Variants in TMEFF2 observed in about 807,000 individuals in gnomAD.
The protein encoded by TMEFF2 is transmembrane protein with EGF like and two follistatin like domains 2.
TMEFF2 carries 28 observed loss-of-function variants against 53.8 expected under a neutral mutation model. That is an observed-to-expected ratio of 0.52 (90% CI 0.39 to 0.71). The LOEUF (loss-of-function observed/expected upper bound fraction) is 0.71. Ranked by LOEUF, TMEFF2 falls within the 30% of genes least tolerant of loss-of-function variation. TMEFF2 has a pLI of 0.00. For synonymous variants in TMEFF2, 162 were observed against 166.3 expected, an observed-to-expected ratio of 0.97 and a Z score of 0.20; for missense variants, 353 against 455.2, an observed-to-expected ratio of 0.78 and a Z score of 2.04.
At chr2:192,118,415 G>A (rs912561043) in intron 4 of TMEFF2, among the ~76,000 whole-genome samples, 5 of 152,098 alleles carry the variant, frequency 3.3e-5, no homozygotes, top group South Asian at 2.1e-4. Flanking sequence ...TCAAAGTTTC[G>A]ACAGAGAAAA....
intron 5 of TMEFF2, among the ~76,000 whole-genome samples, chr2:192,033,736 A>C (rs1174810653): frequency 6.6e-6 from 1 of 152,138 alleles, no homozygotes; most frequent in African/African-American, 2.4e-5. Flanking sequence ...AAATTTTGAT[A>C]TAGTGTGATT....
intron 7 of TMEFF2, among the ~76,000 whole-genome samples, chr2:191,956,691 T>G (rs757586520): frequency 5.3e-5 from 8 of 152,228 alleles, no homozygotes; most frequent in Non-Finnish European, 1.0e-4. Context: ...ACATTGATCA[T>G]GAAATACTCC....
intron 7 of TMEFF2, among the ~76,000 whole-genome samples, chr2:191,968,964 G>A (rs2105801518): frequency 6.6e-6 from 1 of 152,198 alleles, no homozygotes; most frequent in Non-Finnish European, 1.5e-5. Flanking sequence ...CCACCCAGAA[G>A]GCTAAGGTGG....
At chr2:192,091,582 C>T (rs1688791104) in intron 4 of TMEFF2, among the ~76,000 whole-genome samples, 1 of 152,086 alleles carries the variant, frequency 6.6e-6, no homozygotes, top group South Asian at 2.1e-4. Flanking sequence ...ACACAAAGAG[C>T]AAACACTCAG....
In TMEFF2 at chr2:192,138,620, G is replaced by A. The variant is rs578125765; in HGVS notation, c.439+41048C>T. ...TCTCAACCACCTGGGCATGTAACTCGACAACTCCTTCTCCTAATAGAAAGC... is the reference window on the plus strand; with the variant it reads ...TCTCAACCACCTGGGCATGTAACTCAACAACTCCTTCTCCTAATAGAAAGC... On this transcript the variant is annotated intron_variant, in intron 4 of 9. Coordinates refer to ENST00000272771, the MANE Select transcript of TMEFF2 (RefSeq NM_016192.4). Among the ~76,000 whole-genome samples the A allele has an allele frequency of 3.3e-5, 5 of 152,308 alleles. No individual in the cohort carries two copies. The South Asian group carries it at 6.2e-4, about 19-fold the overall frequency.
intron 9 of TMEFF2, among the ~76,000 whole-genome samples, chr2:191,952,526 C>G (rs114293543): frequency 6.6e-6 from 1 of 151,362 alleles, no homozygotes; most frequent in Non-Finnish European, 1.5e-5. Flanking sequence ...CCTTATGTTC[C>G]CCAGAATCTA....
intron 4 of TMEFF2, among the ~76,000 whole-genome samples, chr2:192,105,800 G>A (rs1689132864): frequency 6.6e-6 from 1 of 151,914 alleles, no homozygotes. Context: ...TCTTTATCAA[G>A]TACTTCAATA....
In TMEFF2 at chr2:192,194,723, G is replaced by A; in HGVS notation, c.-199C>T. ...CAGCAACATCCAGGGACTGGGCTCA[G>A]CCCCGGAGCGAGAGGGTCGTCCGCT... On this transcript the variant is annotated 5_prime_UTR_variant, in exon 1 of 10. Transcript: ENST00000272771. This position sits in a 1 kb window ranked among gnomAD's most constrained non-coding sequence, Gnocchi z 4.2. The A allele has an allele frequency of 1.6e-6, 1 of 606,454 alleles. No individual in the cohort carries two copies. Among genetic ancestry groups the A allele is most frequent in the Non-Finnish European group, 2.9e-6 (1 of 346,178 alleles). 37.6% of individuals were successfully genotyped at this position (606,454 alleles called of 1,614,324 possible).
At position 191,982,655 on chromosome 2, in the gene TMEFF2, G is replaced by A. The variant is rs540573364; in HGVS notation, c.745+15607C>T. Among the ~76,000 whole-genome samples, 13 of 152,180 alleles carry A rather than the reference G, an allele frequency of 8.5e-5. No homozygotes were observed. The South Asian group carries it at 2.5e-3, about 29-fold the overall frequency. ...TTAGAAGTTATGAGTTTTATACTAA[G>A]AATAATAGATGAGACATACCAAGAT... On this transcript the variant is annotated intron_variant, in intron 7 of 9. Coordinates refer to ENST00000272771, the MANE Select transcript of TMEFF2 (RefSeq NM_016192.4).
chr2:192,176,834 AG>A (rs1052573410), intron 4 of TMEFF2: 4 of 151,130 alleles, frequency 2.6e-5, no homozygotes, highest in Non-Finnish European at 5.9e-5. Flanking sequence ...GCTAAAATAT[AG>A]GAAAATTTTT....
At chr2:192,049,484 T>C (rs571380337) in intron 5 of TMEFF2, among the ~76,000 whole-genome samples, 1 of 152,290 alleles carries the variant, frequency 6.6e-6, no homozygotes, top group East Asian at 1.9e-4. Context: ...ATTCCTATTA[T>C]TATCTTTGAG....
At chr2:191,960,083 G>A (rs987131256) in intron 7 of TMEFF2, among the ~76,000 whole-genome samples, 3 of 152,020 alleles carry the variant, frequency 2.0e-5, no homozygotes, top group Non-Finnish European at 4.4e-5. Context: ...ATGTTGGCCA[G>A]GCTGGTCTTG....
intron 7 of TMEFF2, among the ~76,000 whole-genome samples, chr2:191,993,815 G>C (rs1686161529): frequency 6.6e-6 from 1 of 152,014 alleles, no homozygotes; most frequent in Admixed American, 6.6e-5. Context: ...CATACGGAGA[G>C]CCTCTTGGCG....
intron 4 of TMEFF2, among the ~76,000 whole-genome samples, chr2:192,138,810 T>C (rs1255162283): frequency 6.6e-6 from 1 of 152,184 alleles, no homozygotes; most frequent in Admixed American, 6.5e-5. Context: ...AGAGAAAGCA[T>C]CCATGACATT....
chr2:192,037,773 T>C (rs956083671), intron 5 of TMEFF2: 6 of 152,214 alleles, frequency 3.9e-5, no homozygotes, highest in African/African-American at 1.4e-4. Context: ...TGCACTTTTC[T>C]AACTCTTCAA....
At chr2:192,156,939 C>A (rs1251545639) in intron 4 of TMEFF2, among the ~76,000 whole-genome samples, 1 of 151,974 alleles carries the variant, frequency 6.6e-6, no homozygotes, top group Non-Finnish European at 1.5e-5. Context: ...CATTTGAGAG[C>A]CTACTATCAC....
chr2:192,036,768 C>G (rs1489665451), intron 5 of TMEFF2: 3 of 152,206 alleles, frequency 2.0e-5, no homozygotes, highest in Admixed American at 1.3e-4. Flanking sequence ...CAGAGGTTTT[C>G]TTTGCTCAGA....
intron 5 of TMEFF2, among the ~76,000 whole-genome samples, chr2:192,053,834 A>G (rs1346496802): frequency 6.6e-6 from 1 of 152,016 alleles, no homozygotes; most frequent in African/African-American, 2.4e-5. Context: ...AATTTCACTC[A>G]TTGCTTTATT....
chr2:192,090,017 A>G (rs1156369480), intron 4 of TMEFF2, among the ~76,000 whole-genome samples: 2 of 152,286 alleles, frequency 1.3e-5, no homozygotes, highest in Non-Finnish European at 2.9e-5. Flanking sequence ...GATGTTCTAC[A>G]TCATTCTATC....
Sources: allele counts gnomAD v4.1 joint callset (sites outside exome capture counted in the v4.1 genomes callset), GRCh38; gene constraint gnomAD v4.1.1; non-coding constraint Gnocchi (gnomAD v3.1); transcripts MANE v1.5; gene names NCBI Gene and HGNC (gene_info 2026-07-23, HGNC 2026-07-21).